SLF2: variants seen among roughly 807,000 people sequenced by gnomAD.
SLF2 encodes SMC5-SMC6 complex localization factor protein 2.
A neutral mutation model predicts 124.3 loss-of-function variants in SLF2; 68 were observed. The observed-to-expected ratio is 0.55, with a 90% confidence interval of 0.45 to 0.67. The LOEUF is 0.67. Among genes scored for constraint, SLF2 ranks in the 30% least tolerant of loss-of-function variants. The pLI, the probability that SLF2 is intolerant of heterozygous loss-of-function variation, is 0.00. For synonymous variants in SLF2, 480 were observed against 478.8 expected, an observed-to-expected ratio of 1.00 and a Z score of -0.03; for missense variants, 1,246 against 1,373.7, an observed-to-expected ratio of 0.91 and a Z score of 1.47.
chr10:100,916,533 A>T (rs1398659772), intron 2 of SLF2, 37 bp from the exon 3 acceptor site: 4 of 1,293,258 alleles, frequency 3.1e-6, no homozygotes, highest in Non-Finnish European at 4.0e-6. Context: ...ATATTTTACT[A>T]ACATGCAATT....
At chr10:100,937,526 A>G (rs781123920) in intron 10 of SLF2, 49 bp downstream of exon 10, 2 of 1,050,656 alleles carry the variant, frequency 1.9e-6, no homozygotes, top group Admixed American at 1.7e-5. Context: ...ATTGGTTGCT[A>G]TTTACATGGT....
Position 100,964,189 on chromosome 10 carries a change from G to A in SLF2, c.*2277G>A, listed in dbSNP as rs1270346825. The A allele has an allele frequency of 6.6e-6, 1 of 152,652 alleles. No individual in the cohort carries two copies. The highest frequency in any genetic ancestry group is 2.4e-5 in the African/African-American group (1 of 41,452). The allele number at this position is 152,652 out of a possible 1,614,324, so 9.5% of individuals were successfully genotyped here. A position where few individuals can be genotyped will look rare whatever the true frequency, so the allele number is the denominator to read the frequency against. Reference sequence around the variant, plus strand: ...CCCGGTGAATGGGATGGTAGAGAGGGAGAAATGTTCATTGCACAGAGAATG... The same window carrying A: ...CCCGGTGAATGGGATGGTAGAGAGGAAGAAATGTTCATTGCACAGAGAATG... On this transcript the variant is annotated 3_prime_UTR_variant, in exon 20 of 20. Coordinates refer to ENST00000238961, the MANE Select transcript of SLF2 (RefSeq NM_018121.4).
intron 9 of SLF2, among the ~76,000 whole-genome samples, chr10:100,934,813 G>A (rs1294428930): frequency 6.6e-6 from 1 of 150,540 alleles, no homozygotes; most frequent in Non-Finnish European, 1.5e-5. Context: ...TTAGAGATGG[G>A]GTTTCACCAT....
chr10:100,941,474 G>T lies in SLF2; in HGVS notation c.2655-2552G>T, dbSNP rs1276840980. Among the ~76,000 whole-genome samples, 6 of 151,916 alleles carry T rather than the reference G, an allele frequency of 3.9e-5. No homozygotes were observed. The South Asian group carries it at 1.2e-3, about 32-fold the overall frequency. On this transcript the variant is annotated intron_variant, in intron 11 of 19. Coordinates refer to ENST00000238961, the MANE Select transcript of SLF2 (RefSeq NM_018121.4). ...ATCTATTCATTCCTTTTCATTTCCT[G>T]AGTCAGTCTAATTCAGATTCTCTTT...
intron 9 of SLF2, among the ~76,000 whole-genome samples, chr10:100,935,628 C>T (rs886731776): frequency 2.6e-5 from 4 of 151,502 alleles, no homozygotes; most frequent in Admixed American, 2.6e-4. Flanking sequence ...TGCAGTCAGC[C>T]AAGGTTGCAC....
In SLF2 at chr10:100,964,460, G is replaced by A. The variant is rs1051597272; in HGVS notation, c.*2548G>A. 19 of 152,580 alleles carry A rather than the reference G, an allele frequency of 1.2e-4. No homozygotes were observed. Among genetic ancestry groups the A allele is most frequent in the Non-Finnish European group, 4.4e-5 (3 of 68,036 alleles). The allele number at this position is 152,580 out of a possible 1,614,324, so 9.5% of individuals were successfully genotyped here. On this transcript the variant is annotated 3_prime_UTR_variant, in exon 20 of 20. Transcript: ENST00000238961. ...TTCTACTAGTTTTATCACATTAAGA[G>A]GCTCTCCATGCACAAAATGCATTGA...
At chr10:100,941,567 G>T (rs993439972) in intron 11 of SLF2, among the ~76,000 whole-genome samples, 1 of 152,066 alleles carries the variant, frequency 6.6e-6, no homozygotes, top group Admixed American at 6.6e-5. Context: ...TATTTTCACT[G>T]TTGCAGGAAC....
intron 1 of SLF2, chr10:100,913,816 G>A (rs1000455502): frequency 1.0e-6 from 1 of 985,474 alleles, no homozygotes; most frequent in African/African-American, 1.7e-5. Flanking sequence ...GATTTTGTGG[G>A]AGCTATGTAA....
At chr10:100,937,847 C>CTA (rs1301401902) in intron 10 of SLF2, among the ~76,000 whole-genome samples, 1 of 152,080 alleles carries the variant, frequency 6.6e-6, no homozygotes, top group Admixed American at 6.6e-5. Context: ...TGAGCTCGGG[C>CTA]AATTTACCCA....
At chr10:100,942,272 A>G (rs1435640311) in intron 11 of SLF2, among the ~76,000 whole-genome samples, 2 of 152,158 alleles carry the variant, frequency 1.3e-5, no homozygotes, top group Admixed American at 1.3e-4. Context: ...TCTTCTAAAC[A>G]ACTAGCTATA....
chr10:100,929,429 G>C lies in SLF2; in HGVS notation c.2155G>C (p.Glu719Gln). 1 of 1,604,612 alleles carries C rather than the reference G, an allele frequency of 6.2e-7. No individual in the cohort carries two copies. Among genetic ancestry groups the C allele is most frequent in the Non-Finnish European group, 8.5e-7 (1 of 1,176,752 alleles). ...TACAGATGATGAGGATGGCCTCTTAGAAGAGCACAAGTATAGCATTTTTCA... is the reference window on the plus strand; with the variant it reads ...TACAGATGATGAGGATGGCCTCTTACAAGAGCACAAGTATAGCATTTTTCA... ...DSTDDEDGLL[E>Q]EHKEFLKKFS... Residue 719 changes from glutamate to glutamine, a missense_variant, in exon 7 of 20, where the codon GAA becomes CAA. By Grantham distance (29) the Glu-to-Gln change is conservative. Coordinates refer to ENST00000238961, the MANE Select transcript of SLF2 (RefSeq NM_018121.4).
At position 100,935,586 on chromosome 10, in the gene SLF2, A is replaced by T. The variant is rs544208996; in HGVS notation, c.2437-1816A>T. Among the ~76,000 whole-genome samples, 10 of 151,936 alleles carry T rather than the reference A, an allele frequency of 6.6e-5. No homozygotes were observed. The Middle Eastern group carries it at 0.014, about 208-fold the overall frequency. On this transcript the variant is annotated intron_variant, in intron 9 of 19. Coordinates refer to ENST00000238961, the MANE Select transcript of SLF2 (RefSeq NM_018121.4). Reference sequence around the variant, plus strand: ...GCCCAACTACTTGGGAGGATGAGGCACGAGAATCGCTTGAACCTGGGAGGC... The same window carrying T: ...GCCCAACTACTTGGGAGGATGAGGCTCGAGAATCGCTTGAACCTGGGAGGC...
At chr10:100,946,998 G>C (rs745817140) in intron 13 of SLF2, 41 bp from the exon 14 acceptor site, 2 of 1,492,864 alleles carry the variant, frequency 1.3e-6, no homozygotes, top group East Asian at 2.3e-5. Context: ...TTATTCTACT[G>C]TTCTGTTTGA....
chr10:100,946,363 G>A (rs971586967), intron 13 of SLF2, among the ~76,000 whole-genome samples: 9 of 137,018 alleles, frequency 6.6e-5, no homozygotes, highest in Non-Finnish European at 9.2e-5. Flanking sequence ...AGCATCTCCT[G>A]TCACCCAGGC....
At chr10:100,921,286 G>T (rs974956016) in intron 4 of SLF2, among the ~76,000 whole-genome samples, 1 of 152,168 alleles carries the variant, frequency 6.6e-6, no homozygotes, top group African/African-American at 2.4e-5. Context: ...TGAGATTGTA[G>T]CTCACTTGCA....
At chr10:100,937,888 G>A (rs1394698543) in intron 10 of SLF2, among the ~76,000 whole-genome samples, 4 of 152,158 alleles carry the variant, frequency 2.6e-5, no homozygotes, top group Non-Finnish European at 5.9e-5. Context: ...AGGATTACAG[G>A]CATGAGCCAC....
intron 11 of SLF2, among the ~76,000 whole-genome samples, chr10:100,939,451 G>A (rs988849617): frequency 6.6e-6 from 1 of 152,060 alleles, no homozygotes; most frequent in Non-Finnish European, 1.5e-5. Context: ...GCCAAGGCGG[G>A]CGGATCACTT....
At chr10:100,926,605 CAA>C (rs557928971) in intron 6 of SLF2, 38 of 139,002 alleles carry the variant, frequency 2.7e-4, no homozygotes, top group East Asian at 1.2e-3. Flanking sequence ...GACCCCGTCT[CAA>C]AAAAAAAAAA....
chr10:100,959,827 T>G (rs1850396933), intron 19 of SLF2, among the ~76,000 whole-genome samples: 2 of 152,164 alleles, frequency 1.3e-5, no homozygotes, highest in Admixed American at 6.5e-5. Context: ...GTACAGTGGT[T>G]TTTATTACAT....
Sources: gnomAD v4.1 joint callset for allele counts (sites outside exome capture counted in the v4.1 genomes callset) on GRCh38, gnomAD v4.1.1 for gene constraint, MANE v1.5 for transcripts, NCBI Gene and HGNC (gene_info 2026-07-23, HGNC 2026-07-21) for gene names.